The following TASP1 variants were observed in gnomAD, a reference collection of about 807,000 sequenced individuals.
The protein encoded by TASP1 is threonine aspartase 1.
In TASP1, 16 loss-of-function variants were observed where a neutral mutation model predicts 56.6. The ratio of observed to expected loss-of-function variants is 0.28; its 90% CI spans 0.19 to 0.43. The LOEUF is 0.43. Among genes scored for constraint, TASP1 ranks in the 20% least tolerant of loss-of-function variants. The pLI, the probability that TASP1 is intolerant of heterozygous loss-of-function variation, is 1.00. For synonymous variants in TASP1, 179 were observed against 184.2 expected (o/e 0.97, Z 0.23); for missense variants, 393 against 511.6 (o/e 0.77, Z 2.24).
At chr20:13,374,538 T>C in the TASP1 span, among the ~76,000 whole-genome samples, 3 of 151,976 alleles carry the variant, frequency 2.0e-5, no homozygotes, top group Admixed American at 1.3e-4. Context: ...TTAGTAGAGA[T>C]GGGGTTTCAC....
intron 6 of TASP1, among the ~76,000 whole-genome samples, chr20:13,576,327 GAGAAAGAAAGAAAGGAAGAA>G (rs1386423420): frequency 8.1e-6 from 1 of 122,724 alleles, no homozygotes; most frequent in Non-Finnish European, 1.7e-5. Flanking sequence ...AGAAAGAAAA[GAGAAAGAAAGAAAGGAAGAA>G]AGAAAGAAAG....
At chr20:13,598,431 G>A (rs1025374203) in intron 4 of TASP1, among the ~76,000 whole-genome samples, 31 of 152,294 alleles carry the variant, frequency 2.0e-4, no homozygotes, top group African/African-American at 6.0e-4. Flanking sequence ...AAGAAATGGG[G>A]AAATGATTCC....
intron 11 of TASP1, among the ~76,000 whole-genome samples, chr20:13,453,291 GAGA>G (rs1268711048): frequency 3.3e-5 from 5 of 152,102 alleles, no homozygotes; most frequent in Admixed American, 3.3e-4. Context: ...TGTGGCAAAA[GAGA>G]AGAATGGATG....
chr20:13,113,217 G>A, the TASP1 span, among the ~76,000 whole-genome samples: 1 of 152,084 alleles, frequency 6.6e-6, no homozygotes, highest in Non-Finnish European at 1.5e-5. Flanking sequence ...TTTCCCGTAG[G>A]ATTTTCCAAA....
chr20:13,311,879 T>C, the TASP1 span, among the ~76,000 whole-genome samples: 17 of 152,200 alleles, frequency 1.1e-4, no homozygotes, highest in African/African-American at 4.1e-4. Context: ...TACAGCATGA[T>C]GACTGTAGTT....
intron 4 of TASP1, among the ~76,000 whole-genome samples, chr20:13,599,573 T>C (rs957701268): frequency 1.3e-5 from 2 of 152,142 alleles, no homozygotes; most frequent in African/African-American, 2.4e-5. Flanking sequence ...AAATACCTAA[T>C]GTAAATGACG....
At chr20:13,216,427 C>T in the TASP1 span, among the ~76,000 whole-genome samples, 1 of 152,184 alleles carries the variant, frequency 6.6e-6, no homozygotes, top group Non-Finnish European at 1.5e-5. Flanking sequence ...GTCATGTGGT[C>T]CAGCTGCCTA....
the TASP1 span, among the ~76,000 whole-genome samples, chr20:13,359,992 T>G: frequency 6.6e-6 from 1 of 152,286 alleles, no homozygotes; most frequent in South Asian, 2.1e-4. Context: ...ACTCGCCTGC[T>G]ACAGCACGGC....
chr20:13,436,759 CA>C (rs1568799203), intron 11 of TASP1, among the ~76,000 whole-genome samples: 1 of 152,086 alleles, frequency 6.6e-6, no homozygotes, highest in Non-Finnish European at 1.5e-5. Context: ...GCAACGCAGC[CA>C]ACTCAAGACT....
chr20:13,491,079 T>C (rs766921202), intron 10 of TASP1, among the ~76,000 whole-genome samples: 5 of 152,008 alleles, frequency 3.3e-5, no homozygotes, highest in Non-Finnish European at 7.4e-5. Flanking sequence ...AATTTAAAAG[T>C]TTATCCTTTG....
At chr20:13,613,138 T>C (rs1339077207) in intron 4 of TASP1, among the ~76,000 whole-genome samples, 1 of 152,184 alleles carries the variant, frequency 6.6e-6, no homozygotes, top group African/African-American at 2.4e-5. Context: ...TGGACAATAA[T>C]AGAGATCTGC....
chr20:13,620,589 C>T (rs1263471494), intron 4 of TASP1, among the ~76,000 whole-genome samples: 2 of 152,102 alleles, frequency 1.3e-5, no homozygotes, highest in Middle Eastern at 3.2e-3. Context: ...GTGGCAAGAA[C>T]ATCATTTTTT....
At chr20:13,581,024 T>C in intron 5 of TASP1, 43 bp from the exon 6 acceptor site, 3 of 1,562,662 alleles carry the variant, frequency 1.9e-6, no homozygotes, top group Non-Finnish European at 2.6e-6. Flanking sequence ...ATGTCAGAAA[T>C]GTCTTCTAGT....
intron 8 of TASP1, among the ~76,000 whole-genome samples, chr20:13,547,720 G>T (rs1047572347): frequency 1.3e-5 from 2 of 152,056 alleles, no homozygotes; most frequent in Non-Finnish European, 2.9e-5. Flanking sequence ...AGCCAGGCAT[G>T]AAGATACTGC....
intron 13 of TASP1, among the ~76,000 whole-genome samples, chr20:13,408,402 AAAGT>A (rs1409765098): frequency 1.3e-5 from 2 of 152,184 alleles, no homozygotes; most frequent in Non-Finnish European, 2.9e-5. Context: ...TTTTCATTCC[AAAGT>A]AATAACTTAT....
intron 13 of TASP1, among the ~76,000 whole-genome samples, chr20:13,399,608 C>T (rs1032578735): frequency 3.3e-5 from 5 of 152,206 alleles, no homozygotes; most frequent in African/African-American, 1.2e-4. Context: ...AAAATACACA[C>T]AGAAGCCAAC....
the TASP1 span, among the ~76,000 whole-genome samples, chr20:13,343,566 C>T: frequency 6.9e-6 from 1 of 144,608 alleles, no homozygotes; most frequent in Non-Finnish European, 1.5e-5. Context: ...TGGGGCCGCC[C>T]CACCCCCGCC....
the TASP1 span, among the ~76,000 whole-genome samples, chr20:13,161,236 C>T: frequency 6.6e-6 from 1 of 152,136 alleles, no homozygotes. Flanking sequence ...GATGGTGAAG[C>T]ACTTAAATGA....
chr20:13,439,367 A>G (rs1165917778), intron 11 of TASP1, among the ~76,000 whole-genome samples: 1 of 152,166 alleles, frequency 6.6e-6, no homozygotes, highest in Non-Finnish European at 1.5e-5. Context: ...GGACATGGAT[A>G]AAGCTGGAAA....
Sources: gnomAD v4.1 joint callset for allele counts (sites outside exome capture counted in the v4.1 genomes callset) on GRCh38, gnomAD v4.1.1 for gene constraint, MANE v1.5 for transcripts, NCBI Gene and HGNC (gene_info 2026-07-23, HGNC 2026-07-21) for gene names.